CHORDC1: variants seen among roughly 807,000 people sequenced by gnomAD.
CHORDC1 encodes cysteine and histidine rich domain containing 1.
CHORDC1 carries 25 observed loss-of-function variants against 48.3 expected under a neutral mutation model. The ratio of observed to expected loss-of-function variants is 0.52; its 90% confidence interval spans 0.38 to 0.72. The LOEUF (loss-of-function observed/expected upper bound fraction) is 0.72. Among genes scored for constraint, CHORDC1 ranks in the 30% least tolerant of loss-of-function variants. The probability of loss-of-function intolerance (pLI) is 0.00; values close to 1 mark genes in which losing one functional copy is unlikely to be tolerated. For synonymous variants in CHORDC1, 128 were observed against 126.4 expected (o/e 1.01, Z -0.09); for missense variants, 317 against 388.7 (o/e 0.82, Z 1.55).
In CHORDC1 at chr11:90,210,642, C is replaced by A. The variant is rs776363367; in HGVS notation, c.434-48G>T. On this transcript the variant is annotated intron_variant, in intron 5 of 10. Transcript: ENST00000320585. ...AAATTAAAAAGTTAAAATAGAACTTCGCTGTGGCATCATTCTTAAAAACTA... is the reference window on the plus strand; with the variant it reads ...AAATTAAAAAGTTAAAATAGAACTTAGCTGTGGCATCATTCTTAAAAACTA... 4 of 1,196,986 alleles carry A rather than the reference C, an allele frequency of 3.3e-6. No individual in the cohort carries two copies. The Admixed American group carries it at 8.1e-5, about 24-fold the overall frequency. 74.1% of individuals were successfully genotyped at this position (1,196,986 alleles called of 1,614,324 possible).
At chr11:90,210,982 A>G (rs1229835313) in intron 5 of CHORDC1, 1 of 315,704 alleles carries the variant, frequency 3.2e-6, no homozygotes, top group Non-Finnish European at 5.7e-6. Context: ...AATGAACCAT[A>G]AAAGAAAAAA....
At position 90,200,495 on chromosome 11, in the gene CHORDC1, T is replaced by C. The variant is rs11018908; in HGVS notation, c.*1910A>G. ...TTTGACAAACCGATAGTAAAACATA[T>C]GCTACCTAACGATAACTGTGTCCCT... On this transcript the variant is annotated 3_prime_UTR_variant, in exon 11 of 11. Transcript: ENST00000320585. 0.43 allele frequency among the ~76,000 whole-genome samples: 64,688 copies of C among 151,648 alleles called. 14,300 individuals are homozygous for C. Among genetic ancestry groups the C allele is most frequent in the East Asian group, 0.59 (3,047 of 5,158 alleles).
At chr11:90,215,116 AG>A in intron 3 of CHORDC1, 57 bp downstream of exon 3, 1 of 1,012,488 alleles carries the variant, frequency 9.9e-7, no homozygotes, top group Non-Finnish European at 1.4e-6. Flanking sequence ...TCAAATCTGA[AG>A]CTTTCTATAA....
chr11:90,203,853 C>T (rs113424231), intron 8 of CHORDC1, among the ~76,000 whole-genome samples: 1,712 of 152,164 alleles, frequency 0.011, 39 homozygotes, highest in African/African-American at 0.039. Context: ...CACTAGAAAC[C>T]TTATTTATTT....
At chr11:90,215,153 G>T in intron 3 of CHORDC1, 21 bp downstream of exon 3, 1 of 1,346,730 alleles carries the variant, frequency 7.4e-7, no homozygotes, top group Non-Finnish European at 1.0e-6. Context: ...AGATAATCTA[G>T]AAAAAATAAT....
At chr11:90,208,473 A>C (rs1307536324) in intron 6 of CHORDC1, 1 of 152,316 alleles carries the variant, frequency 6.6e-6, no homozygotes, top group East Asian at 1.9e-4. Context: ...CAATTTTTTA[A>C]AATTAAAGGA....
intron 1 of CHORDC1, among the ~76,000 whole-genome samples, chr11:90,221,196 T>C (rs1348730581): frequency 1.3e-5 from 2 of 152,176 alleles, no homozygotes; most frequent in African/African-American, 4.8e-5. Context: ...TCTTTTAACT[T>C]ATTTCTGTCA....
chr11:90,214,204 C>T (rs1443599193), intron 3 of CHORDC1, 29 bp from the exon 4 acceptor site: 1 of 1,501,394 alleles, frequency 6.7e-7, no homozygotes, highest in South Asian at 1.3e-5. Context: ...TCATTAAGAG[C>T]TATCTATTTT....
intron 1 of CHORDC1, among the ~76,000 whole-genome samples, chr11:90,222,006 A>T (rs1858183687): frequency 6.6e-6 from 1 of 152,240 alleles, no homozygotes; most frequent in South Asian, 2.1e-4. Flanking sequence ...AAGATAAAGC[A>T]ATAATGGCTG....
intron 4 of CHORDC1, chr11:90,213,327 T>A: frequency 1.6e-6 from 1 of 626,046 alleles, no homozygotes; most frequent in East Asian, 2.8e-5. Flanking sequence ...AAGTGCCTAC[T>A]TGCAGCCAAA....
At chr11:90,215,356 AGT>A in intron 2 of CHORDC1, 126 bp from the exon 3 acceptor site, 1 of 493,274 alleles carries the variant, frequency 2.0e-6, no homozygotes, top group Non-Finnish European at 3.6e-6. Context: ...GCAAAATTTC[AGT>A]GTTGCATATA....
chr11:90,215,826 T>C (rs1281730380), intron 2 of CHORDC1, among the ~76,000 whole-genome samples: 1 of 152,028 alleles, frequency 6.6e-6, no homozygotes, highest in Non-Finnish European at 1.5e-5. Context: ...GCTTTAATAA[T>C]TATCTCTAAA....
intron 2 of CHORDC1, among the ~76,000 whole-genome samples, 172 bp from the exon 3 acceptor site, chr11:90,215,402 T>C (rs1280347153): frequency 1.3e-5 from 2 of 152,082 alleles, no homozygotes; most frequent in African/African-American, 4.8e-5. Context: ...ATATTAATCT[T>C]TGATTTTTAA....
At chr11:90,213,506 C>G (rs940692789) in intron 4 of CHORDC1, 2 of 628,990 alleles carry the variant, frequency 3.2e-6, no homozygotes, top group East Asian at 2.8e-5. Flanking sequence ...CTGTACAACT[C>G]TATTGCACAA....
chr11:90,218,166 G>A lies in CHORDC1; in HGVS notation c.83C>T (p.Pro28Leu). The A allele has an allele frequency of 6.3e-7, 1 of 1,575,128 alleles. No individual in the cohort carries two copies. The highest frequency in any genetic ancestry group is 8.6e-7 in the Non-Finnish European group (1 of 1,167,006). ...TGCATCGTGAAAGACCGGAACACCT[G>A]GGTGGTATGTGCAAGCATCTGGAGA... is the stretch of plus-strand genomic sequence containing the variant. ...TNSDDACTYH[P>L]GVPVFHDALK... The change falls in exon 2 of 11, where the codon CCA (proline) becomes CTA (leucine). Residue 28 changes from proline (P) to leucine (L), a missense_variant. Coordinates refer to ENST00000320585, the MANE Select transcript of CHORDC1 (RefSeq NM_012124.3).
At chr11:90,207,887 G>A (rs943059254) in intron 6 of CHORDC1, 1 of 150,982 alleles carries the variant, frequency 6.6e-6, no homozygotes, top group African/African-American at 2.4e-5. Context: ...GGAAAACTAT[G>A]TGGAAGTATC....
chr11:90,210,606 A>G lies in CHORDC1; in HGVS notation c.434-12T>C, dbSNP rs1354313307. Reference sequence around the variant, plus strand: ...ATCATTGTCTTCTTCTGTAACAAAGAAAAAAAAATCAAATTAAAAAGTTAA... The same window carrying G: ...ATCATTGTCTTCTTCTGTAACAAAGGAAAAAAAATCAAATTAAAAAGTTAA... On this transcript the variant is annotated splice_polypyrimidine_tract_variant and intron_variant, in intron 5 of 10. Transcript: ENST00000320585. The G allele has an allele frequency of 1.3e-6, 2 of 1,504,118 alleles. No homozygotes were observed. The highest frequency in any genetic ancestry group is 2.3e-5 in the East Asian group (1 of 43,748). The allele number at this position is 1,504,118 out of a possible 1,614,324, so 93.2% of individuals were successfully genotyped here.
chr11:90,202,458 C>G lies in CHORDC1; in HGVS notation c.946G>C (p.Glu316Gln). ...KAEPMQWASL[E>Q]LPAAKKQEKQ... is the part of the protein sequence containing the mutation. ...TCCTGCTTTTTAGCTGCAGGCAGTT[C>G]AAGGCTTGCCCACTGCATCGGTTCA... Residue 316 changes from glutamate (E) to glutamine (Q), a missense_variant, in exon 11 of 11, where the codon GAA becomes CAA. Physicochemically the swap from Glu to Gln is conservative, Grantham distance 29. Transcript: ENST00000320585. 6.2e-7 allele frequency: 1 copy of G among 1,612,090 alleles called. No individual in the cohort carries two copies. Among genetic ancestry groups the G allele is most frequent in the South Asian group, 1.1e-5 (1 of 90,994 alleles).
At chr11:90,205,634 G>A in intron 7 of CHORDC1, 69 bp from the exon 8 acceptor site, 4 of 969,118 alleles carry the variant, frequency 4.1e-6, no homozygotes, top group Non-Finnish European at 6.3e-6. Flanking sequence ...AGTATTTTAG[G>A]GATAAATCTG....
Sources: gnomAD v4.1 joint callset for allele counts (sites outside exome capture counted in the v4.1 genomes callset) on GRCh38, gnomAD v4.1.1 for gene constraint, MANE v1.5 for transcripts, NCBI Gene and HGNC (gene_info 2026-07-23, HGNC 2026-07-21) for gene names.